PTPRO: variants seen among roughly 807,000 people sequenced by gnomAD.
PTPRO encodes receptor-type tyrosine-protein phosphatase O.
Under a neutral mutation model 145.2 loss-of-function variants are expected in PTPRO, and 62 were observed. The ratio of observed to expected loss-of-function variants is 0.43; its 90% CI spans 0.35 to 0.53. The LOEUF (loss-of-function observed/expected upper bound fraction) is 0.53. Ranked by LOEUF, PTPRO falls within the 20% of genes least tolerant of loss-of-function variation. The pLI, the probability that PTPRO is intolerant of heterozygous loss-of-function variation, is 0.01. For missense variants in PTPRO, 1,345 were observed against 1,482.7 expected (o/e 0.91, Z 1.53); for synonymous variants, 565 against 514.7 (o/e 1.10, Z -1.32).
chr12:15,349,391 A>G (rs1156820226), intron 1 of PTPRO, among the ~76,000 whole-genome samples: 1 of 152,200 alleles, frequency 6.6e-6, no homozygotes, highest in Non-Finnish European at 1.5e-5. Flanking sequence ...GATGTATAAT[A>G]TGGAATAATT....
At chr12:15,455,311 C>A (rs1376494713) in intron 1 of PTPRO, among the ~76,000 whole-genome samples, 3 of 151,632 alleles carry the variant, frequency 2.0e-5, no homozygotes, top group Admixed American at 6.6e-5. Context: ...CTGCCCCTTC[C>A]CCCCCACACA....
At chr12:15,586,047 G>A (rs1489248524) in intron 23 of PTPRO, among the ~76,000 whole-genome samples, 1 of 152,192 alleles carries the variant, frequency 6.6e-6, no homozygotes, top group African/African-American at 2.4e-5. Flanking sequence ...GTACTAGTAA[G>A]TAGTAATATC....
intron 12 of PTPRO, among the ~76,000 whole-genome samples, chr12:15,531,684 G>C (rs1942965937): frequency 6.6e-6 from 1 of 152,178 alleles, no homozygotes; most frequent in African/African-American, 2.4e-5. Flanking sequence ...TAGACCTTTA[G>C]AGACAGTATG....
intron 1 of PTPRO, among the ~76,000 whole-genome samples, chr12:15,387,436 C>G (rs536878344): frequency 6.6e-6 from 1 of 152,310 alleles, no homozygotes; most frequent in Non-Finnish European, 1.5e-5. Context: ...ATCAGTTGTT[C>G]AAGAACACAA....
At chr12:15,429,937 G>C (rs1023811410) in intron 1 of PTPRO, among the ~76,000 whole-genome samples, 1 of 152,092 alleles carries the variant, frequency 6.6e-6, no homozygotes, top group African/African-American at 2.4e-5. Context: ...CACATTTCCA[G>C]ATTGTACAAA....
At chr12:15,475,404 G>A (rs1354812480) in intron 1 of PTPRO, among the ~76,000 whole-genome samples, 1 of 152,092 alleles carries the variant, frequency 6.6e-6, no homozygotes, top group Non-Finnish European at 1.5e-5. Context: ...TACTATCTAG[G>A]TGAAAAGTGA....
intron 5 of PTPRO, 100 bp downstream of exon 5, chr12:15,502,163 TA>T: frequency 8.4e-7 from 1 of 1,192,616 alleles, no homozygotes; most frequent in Non-Finnish European, 1.2e-6. Context: ...CATAGACAGT[TA>T]TTAGTCAAAG....
intron 1 of PTPRO, among the ~76,000 whole-genome samples, chr12:15,336,820 C>A (rs920286028): frequency 1.3e-5 from 2 of 152,166 alleles, no homozygotes; most frequent in African/African-American, 2.4e-5. Flanking sequence ...AGGAAAATTT[C>A]TTTTCCTCTT....
intron 12 of PTPRO, among the ~76,000 whole-genome samples, chr12:15,529,960 T>C (rs1204447385): frequency 1.3e-5 from 2 of 152,296 alleles, no homozygotes; most frequent in South Asian, 2.1e-4. Flanking sequence ...CCCAACTATA[T>C]GCTGCCTTTG....
intron 12 of PTPRO, among the ~76,000 whole-genome samples, chr12:15,541,068 C>T (rs577523991): frequency 5.9e-5 from 9 of 152,280 alleles, no homozygotes; most frequent in African/African-American, 1.9e-4. Context: ...TGTCTATCCC[C>T]CTTACCCATA....
chr12:15,447,349 A>T (rs1235284681), intron 1 of PTPRO, among the ~76,000 whole-genome samples: 2 of 152,258 alleles, frequency 1.3e-5, no homozygotes, highest in Admixed American at 1.3e-4. Context: ...TTATTGCTCA[A>T]TTCCAGCCCA....
At chr12:15,474,476 G>A (rs1204574387) in intron 1 of PTPRO, among the ~76,000 whole-genome samples, 1 of 152,128 alleles carries the variant, frequency 6.6e-6, no homozygotes, top group African/African-American at 2.4e-5. Context: ...GTACCAAGAG[G>A]CATAAGGATA....
At chr12:15,518,253 C>A (rs768137553) in intron 9 of PTPRO, among the ~76,000 whole-genome samples, 1 of 152,204 alleles carries the variant, frequency 6.6e-6, no homozygotes, top group Admixed American at 6.5e-5. Flanking sequence ...GAAGCCACCA[C>A]CTGATCTCTA....
intron 1 of PTPRO, among the ~76,000 whole-genome samples, chr12:15,437,051 G>A (rs1327702009): frequency 1.3e-5 from 2 of 151,936 alleles, no homozygotes; most frequent in East Asian, 3.9e-4. Context: ...TGGGTATTTG[G>A]AACACCTGCT....
In PTPRO at chr12:15,549,148, A is replaced by G; in HGVS notation, c.2359A>G (p.Thr787Ala). The G allele has an allele frequency of 3.1e-6, 5 of 1,613,608 alleles. No individual in the cohort carries two copies. Among genetic ancestry groups the G allele is most frequent in the Non-Finnish European group, 4.2e-6 (5 of 1,179,670 alleles). Residue 787 changes from threonine (T) to alanine (A), a missense_variant, in exon 14 of 27, where the codon ACT becomes GCT. Coordinates refer to ENST00000281171, the MANE Select transcript of PTPRO (RefSeq NM_030667.3). ...VVTISSLLPATAYNCSVTSFS... is the reference protein window; with the variant it reads ...VVTISSLLPAAAYNCSVTSFS... ...GACCATCTCCAGCCTTCTTCCTGCC[A>G]CTGCCTACAATTGTAGTGTCACCAG...
At chr12:15,409,917 G>T (rs1939750792) in intron 1 of PTPRO, among the ~76,000 whole-genome samples, 2 of 152,280 alleles carry the variant, frequency 1.3e-5, no homozygotes, top group Admixed American at 1.3e-4. Flanking sequence ...TATGAGTGGG[G>T]ATATATGATT....
intron 9 of PTPRO, 135 bp downstream of exon 9, chr12:15,517,091 C>A: frequency 2.3e-6 from 2 of 877,726 alleles, no homozygotes; most frequent in Non-Finnish European, 3.7e-6. Context: ...TTCATTTTCA[C>A]ACTGCTGATA....
chr12:15,519,388 GT>G (rs929208755), intron 9 of PTPRO, among the ~76,000 whole-genome samples: 2 of 152,156 alleles, frequency 1.3e-5, no homozygotes, highest in African/African-American at 4.8e-5. Flanking sequence ...CTATTTTCAA[GT>G]TTTTTTCATT....
chr12:15,509,877 C>T (rs1201554786), intron 7 of PTPRO, among the ~76,000 whole-genome samples: 1 of 151,866 alleles, frequency 6.6e-6, no homozygotes, highest in African/African-American at 2.4e-5. Context: ...CAGAACAAAC[C>T]CTAGTGAAAC....
Sources: gnomAD v4.1 joint callset for allele counts (sites outside exome capture counted in the v4.1 genomes callset) on GRCh38, gnomAD v4.1.1 for gene constraint, MANE v1.5 for transcripts, NCBI Gene and HGNC (gene_info 2026-07-23, HGNC 2026-07-21) for gene names.